The following GNAS-AS1 variants were observed in gnomAD, a reference collection of about 807,000 sequenced individuals.
GNAS-AS1 encodes the protein GNAS antisense RNA 1.
Position 58,841,692 on chromosome 20 carries a change from G to A in GNAS-AS1, n.819+245C>T. On this transcript the variant is annotated intron_variant and non_coding_transcript_variant, in intron 4 of 4. Coordinates refer to ENST00000424094, the Ensembl canonical transcript of GNAS-AS1. This position sits in a 1 kb window ranked among gnomAD's most constrained non-coding sequence, Gnocchi z 5.0. ...CTGGGGGAAAGGTAGAGGAGGTAAGGGGACCCTTGGGGATGCCCCTACGGG... is the reference window on the plus strand; with the variant it reads ...CTGGGGGAAAGGTAGAGGAGGTAAGAGGACCCTTGGGGATGCCCCTACGGG... 1 of 1,200,226 alleles carries A rather than the reference G, an allele frequency of 8.3e-7. No homozygotes were observed. The highest frequency in any genetic ancestry group is 1.0e-6 in the Non-Finnish European group (1 of 967,908). The allele number at this position is 1,200,226 out of a possible 1,614,324, so 74.3% of individuals were successfully genotyped here. A position where few individuals can be genotyped will look rare whatever the true frequency, so the allele number is the denominator to read the frequency against.
chr20:58,828,754 T>A (rs187309095), intron 4 of GNAS-AS1, among the ~76,000 whole-genome samples: 2 of 152,352 alleles, frequency 1.3e-5, no homozygotes, highest in Admixed American at 6.5e-5. Context: ...CTTGTCTTGA[T>A]ACCTTGTCAC....
At chr20:58,845,949 TTG>T (rs1261279491) in intron 2 of GNAS-AS1, among the ~76,000 whole-genome samples, 2 of 152,238 alleles carry the variant, frequency 1.3e-5, no homozygotes, top group African/African-American at 4.8e-5. Flanking sequence ...TGTTTATTTT[TTG>T]TGTTTATTTT....
At chr20:58,831,881 C>A (rs1444912313) in intron 4 of GNAS-AS1, among the ~76,000 whole-genome samples, 1 of 152,138 alleles carries the variant, frequency 6.6e-6, no homozygotes, top group Non-Finnish European at 1.5e-5. Context: ...GAATCAAAAT[C>A]AAAAGTCCCT....
chr20:58,824,611 C>T (rs2085507879), intron 4 of GNAS-AS1, among the ~76,000 whole-genome samples: 1 of 152,104 alleles, frequency 6.6e-6, no homozygotes, highest in Non-Finnish European at 1.5e-5. Context: ...ATCATTCAAC[C>T]CCTGTGACCC....
Position 58,840,030 on chromosome 20 carries a change from C to A in GNAS-AS1, n.819+1907G>T, listed in dbSNP as rs2085658079. On this transcript the variant is annotated intron_variant and non_coding_transcript_variant, in intron 4 of 4. Coordinates refer to ENST00000424094, the Ensembl canonical transcript of GNAS-AS1. The surrounding 1 kb of genome is among the most constrained non-coding windows in gnomAD (Gnocchi z 6.0). ...CTCATAGGGTGTACCTTTCCCGGCTCCAGCAGCCAATGTGCTTCGGAGCCA... is the reference window on the plus strand; with the variant it reads ...CTCATAGGGTGTACCTTTCCCGGCTACAGCAGCCAATGTGCTTCGGAGCCA... 6.5e-7 allele frequency: 1 copy of A among 1,542,336 alleles called. No homozygotes were observed. The highest frequency in any genetic ancestry group is 8.9e-7 in the Non-Finnish European group (1 of 1,126,846).
intron 4 of GNAS-AS1, among the ~76,000 whole-genome samples, chr20:58,820,209 A>G (rs2085476480): frequency 6.6e-6 from 1 of 152,244 alleles, no homozygotes; most frequent in South Asian, 2.1e-4. Context: ...ATGCGGCCTT[A>G]GGTGCTGACC....
chr20:58,842,693 G>C (rs1019063574), intron 2 of GNAS-AS1: 2 of 395,776 alleles, frequency 5.1e-6, no homozygotes, highest in Non-Finnish European at 8.9e-6. Context: ...TGTAAACAAT[G>C]ATGGTGTGTT....
intron 4 of GNAS-AS1, chr20:58,839,273 T>C (rs1215715239): frequency 2.5e-6 from 1 of 398,558 alleles, no homozygotes; most frequent in Non-Finnish European, 4.4e-6. Context: ...CTGCTAAAGG[T>C]AGTTTCATGA....
intron 4 of GNAS-AS1, among the ~76,000 whole-genome samples, chr20:58,821,752 C>T (rs572785287): frequency 3.3e-4 from 51 of 152,304 alleles, no homozygotes; most frequent in South Asian, 8.3e-4. Context: ...GTGGTCACAA[C>T]TACCATGGAT....
At chr20:58,819,371 C>T (rs2085469732) in intron 4 of GNAS-AS1, 1 of 397,498 alleles carries the variant, frequency 2.5e-6, no homozygotes, top group African/African-American at 2.1e-5. Flanking sequence ...CCTGCGGTCA[C>T]ACTCCAACTT....
exon 3 of GNAS-AS1, chr20:58,842,434 T>C: frequency 5.0e-6 from 2 of 398,620 alleles, no homozygotes; most frequent in Non-Finnish European, 8.8e-6. Flanking sequence ...GGAAAATACC[T>C]TAAATGGTCT....
In GNAS-AS1 at chr20:58,840,334, C is replaced by T; in HGVS notation, n.819+1603G>A. 1 of 1,613,108 alleles carries T rather than the reference C, an allele frequency of 6.2e-7. No homozygotes were observed. The highest frequency in any genetic ancestry group is 1.3e-5 in the African/African-American group (1 of 75,052). The stretch of plus-strand genomic sequence containing the variant: ...ACCACCGCTCCGGCGCCCAGGTATT[C>T]CCTGAGTCCCCCGAATCGGAATCTG... On this transcript the variant is annotated intron_variant and non_coding_transcript_variant, in intron 4 of 4. Transcript: ENST00000424094. This position sits in a 1 kb window ranked among gnomAD's most constrained non-coding sequence, Gnocchi z 6.0.
Position 58,838,852 on chromosome 20 carries a change from G to A in GNAS-AS1, n.819+3085C>T, listed in dbSNP as rs554110853. The A allele has an allele frequency of 9.9e-4, 389 of 391,840 alleles. 1 individual carries two copies. The highest frequency in any genetic ancestry group is 7.9e-3 in the African/African-American group (362 of 45,954). 24.3% of individuals were successfully genotyped at this position (391,840 alleles called of 1,614,324 possible). On this transcript the variant is annotated intron_variant and non_coding_transcript_variant, in intron 4 of 4. Coordinates refer to ENST00000424094, the Ensembl canonical transcript of GNAS-AS1. ...GAATCTCTTGAAGCCAGGAGGCAGA[G>A]GTTGCAGTGACCCAAGATCACATCA...
exon 1 of GNAS-AS1, chr20:58,850,831 A>G (rs1447008082): frequency 5.0e-6 from 2 of 398,760 alleles, no homozygotes; most frequent in Non-Finnish European, 4.4e-6. Context: ...CCTAGCCGCC[A>G]TACACCCGCC....
chr20:58,825,552 A>G (rs570474281), intron 4 of GNAS-AS1, among the ~76,000 whole-genome samples: 4 of 152,312 alleles, frequency 2.6e-5, no homozygotes, highest in African/African-American at 9.6e-5. Flanking sequence ...TTAAAAACCA[A>G]TGTATTTACA....
In GNAS-AS1 at chr20:58,840,342, C is replaced by A. The variant is rs1600654673; in HGVS notation, n.819+1595G>T. On this transcript the variant is annotated intron_variant and non_coding_transcript_variant, in intron 4 of 4. Transcript: ENST00000424094. The surrounding 1 kb of genome is among the most constrained non-coding windows in gnomAD (Gnocchi z 6.0). ...TCCGGCGCCCAGGTATTCCCTGAGT[C>A]CCCCGAATCGGAATCTGACCACGAG... 1.2e-6 allele frequency: 2 copies of A among 1,613,128 alleles called. No homozygotes were observed. The highest frequency in any genetic ancestry group is 1.1e-5 in the South Asian group (1 of 91,082).
exon 1 of GNAS-AS1, chr20:58,850,572 T>C: frequency 2.5e-6 from 1 of 398,888 alleles, no homozygotes. Flanking sequence ...CCTCAACTCC[T>C]TATCCATCCT....
At chr20:58,833,920 A>G (rs949158786) in intron 4 of GNAS-AS1, 1 of 152,242 alleles carries the variant, frequency 6.6e-6, no homozygotes, top group African/African-American at 2.4e-5. Context: ...CCTGAAGATA[A>G]TTGCCTCAAT....
chr20:58,830,878 C>T (rs1041478691), intron 4 of GNAS-AS1, among the ~76,000 whole-genome samples: 3 of 151,900 alleles, frequency 2.0e-5, no homozygotes, highest in Non-Finnish European at 2.9e-5. Context: ...TCATAAGATA[C>T]CATCTATTTT....
Sources: gnomAD v4.1 joint callset for allele counts (sites outside exome capture counted in the v4.1 genomes callset) on GRCh38, gnomAD v4.1.1 for gene constraint, Gnocchi (gnomAD v3.1) non-coding constraint, MANE v1.5 for transcripts, NCBI Gene and HGNC (gene_info 2026-07-23, HGNC 2026-07-21) for gene names.